WDFY2: variants seen among roughly 807,000 people sequenced by gnomAD.
WDFY2 encodes WD repeat and FYVE domain-containing protein 2.
WDFY2 carries 36 observed loss-of-function variants against 56.4 expected under a neutral mutation model. The ratio of observed to expected loss-of-function variants is 0.64; its 90% CI spans 0.49 to 0.84. The LOEUF (loss-of-function observed/expected upper bound fraction) is 0.84, where lower values mean the gene tolerates loss of function less well. Among genes scored for constraint, WDFY2 ranks in the 40% least tolerant of loss-of-function variants. WDFY2 has a pLI of 0.00. For synonymous variants in WDFY2, 176 were observed against 183.7 expected (o/e 0.96, Z 0.34); for missense variants, 444 against 512.2 (o/e 0.87, Z 1.29).
At chr13:51,643,772 C>A (rs940965659) in intron 1 of WDFY2, among the ~76,000 whole-genome samples, 1 of 152,124 alleles carries the variant, frequency 6.6e-6, no homozygotes, top group Admixed American at 6.5e-5. Flanking sequence ...TCGTTTTTCT[C>A]TTTAATTTCC....
In WDFY2 at chr13:51,764,332, C is replaced by T; in HGVS notation, c.*4563C>T. The T allele has an allele frequency of 6.6e-6, 1 of 152,502 alleles. No individual in the cohort carries two copies. Among genetic ancestry groups the T allele is most frequent in the Non-Finnish European group, 1.5e-5 (1 of 68,178 alleles). The allele number at this position is 152,502 out of a possible 1,614,324, so 9.4% of individuals were successfully genotyped here. On this transcript the variant is annotated 3_prime_UTR_variant, in exon 12 of 12. Transcript: ENST00000298125. ...GCATGCCAGGGTGCCACTAACCCAG[C>T]AGGTGTGGCAGGAGGGGCTTCACAG...
intron 3 of WDFY2, among the ~76,000 whole-genome samples, chr13:51,683,554 C>T (rs1456895965): frequency 1.3e-5 from 2 of 152,180 alleles, no homozygotes; most frequent in Non-Finnish European, 2.9e-5. Flanking sequence ...TTCAAGAGTA[C>T]CTTGACAACA....
At position 51,640,603 on chromosome 13, in the gene WDFY2, C is replaced by A. The variant is rs191917176; in HGVS notation, c.138-19993C>A. On this transcript the variant is annotated intron_variant, in intron 1 of 11. Transcript: ENST00000298125. ...GTGGCTCATGCCTATAATCTCAGCA[C>A]TTTAGGAGGCTGAGGCGGGTAGATT... Among the ~76,000 whole-genome samples, 243 of 152,232 alleles carry A rather than the reference C, an allele frequency of 1.6e-3. 1 individual carries two copies. The highest frequency in any genetic ancestry group is 5.5e-3 in the African/African-American group (227 of 41,550).
At position 51,693,336 on chromosome 13, in the gene WDFY2, C is replaced by G. The variant is rs1951787564; in HGVS notation, c.280-10260C>G. Among the ~76,000 whole-genome samples the G allele has an allele frequency of 2.0e-5, 3 of 151,658 alleles. No homozygotes were observed. In the South Asian group the frequency reaches 6.2e-4, roughly 32 times the overall value. ...TGGGCATTTAGTGCTATAAATTTCC[C>G]TCTACACACTGCTTTGAATGTGTCC... On this transcript the variant is annotated intron_variant, in intron 3 of 11. Transcript: ENST00000298125.
chr13:51,666,365 G>A (rs993995542), intron 2 of WDFY2, among the ~76,000 whole-genome samples: 1 of 152,176 alleles, frequency 6.6e-6, no homozygotes, highest in African/African-American at 2.4e-5. Flanking sequence ...GAGCAAAAAG[G>A]TGGAATATTT....
At chr13:51,758,143 T>C in intron 10 of WDFY2, 49 bp from the exon 11 acceptor site, 1 of 1,451,166 alleles carries the variant, frequency 6.9e-7, no homozygotes, top group Non-Finnish European at 9.5e-7. Flanking sequence ...TCTCTCTCAT[T>C]CATATGTCAC....
intron 1 of WDFY2, among the ~76,000 whole-genome samples, chr13:51,631,749 G>A (rs1050631868): frequency 6.6e-6 from 1 of 152,118 alleles, no homozygotes. Flanking sequence ...GGCTGGTTTT[G>A]AACTGTGGGG....
chr13:51,732,408 C>T (rs1265729170), intron 6 of WDFY2, among the ~76,000 whole-genome samples: 1 of 152,148 alleles, frequency 6.6e-6, no homozygotes, highest in Non-Finnish European at 1.5e-5. Context: ...GCATGAGCCA[C>T]CGTACGTGGC....
At chr13:51,593,283 G>A (rs1386877643) in intron 1 of WDFY2, among the ~76,000 whole-genome samples, 1 of 152,108 alleles carries the variant, frequency 6.6e-6, no homozygotes, top group African/African-American at 2.4e-5. Context: ...TACTCTCAGG[G>A]TACTGGTGAT....
intron 1 of WDFY2, among the ~76,000 whole-genome samples, chr13:51,628,606 A>G (rs957947576): frequency 3.3e-5 from 5 of 152,130 alleles, no homozygotes; most frequent in African/African-American, 1.2e-4. Flanking sequence ...GAGTATCCCT[A>G]GCGGCACCCC....
At chr13:51,758,840 A>C (rs1235875963) in intron 11 of WDFY2, among the ~76,000 whole-genome samples, 6 of 152,312 alleles carry the variant, frequency 3.9e-5, no homozygotes, top group African/African-American at 1.4e-4. Flanking sequence ...TAGCTAAAAT[A>C]ACCCACTTTG....
chr13:51,708,385 G>C (rs1413092438), intron 4 of WDFY2, among the ~76,000 whole-genome samples: 1 of 151,926 alleles, frequency 6.6e-6, no homozygotes, highest in South Asian at 2.1e-4. Context: ...AGGCTAAGGT[G>C]GGAGGGTTGC....
At chr13:51,595,861 G>C (rs150473114) in intron 1 of WDFY2, among the ~76,000 whole-genome samples, 1 of 152,134 alleles carries the variant, frequency 6.6e-6, no homozygotes, top group Admixed American at 6.5e-5. Context: ...AATTAAGGAC[G>C]GCATTTACCC....
chr13:51,604,869 G>A (rs1300622179), intron 1 of WDFY2, among the ~76,000 whole-genome samples: 1 of 152,190 alleles, frequency 6.6e-6, no homozygotes, highest in African/African-American at 2.4e-5. Context: ...AGGGCACATT[G>A]AGAAGGATTT....
At chr13:51,695,947 T>G (rs1376018015) in intron 3 of WDFY2, among the ~76,000 whole-genome samples, 1 of 152,138 alleles carries the variant, frequency 6.6e-6, no homozygotes, top group Non-Finnish European at 1.5e-5. Context: ...GTGCTAGCAA[T>G]CAGCAAGACT....
chr13:51,686,982 CAAA>C (rs1956072352), intron 3 of WDFY2, among the ~76,000 whole-genome samples: 2 of 151,148 alleles, frequency 1.3e-5, no homozygotes, highest in African/African-American at 4.9e-5. Flanking sequence ...TATTGATGAG[CAAA>C]TTGTTGAATC....
At chr13:51,713,846 CAAAAAAAAAA>C (rs763208351) in intron 4 of WDFY2, among the ~76,000 whole-genome samples, 5 of 55,380 alleles carry the variant, frequency 9.0e-5, no homozygotes, top group South Asian at 1.3e-3. Context: ...GATTCCATCT[CAAAAAAAAAA>C]AAAAAAAAAA....
intron 1 of WDFY2, among the ~76,000 whole-genome samples, chr13:51,644,715 A>G (rs139819780): frequency 2.7e-5 from 4 of 149,036 alleles, no homozygotes; most frequent in East Asian, 4.0e-4. Flanking sequence ...AGCTGTGAGG[A>G]AAAAAAAAGT....
At chr13:51,671,422 G>C (rs1032474883) in intron 2 of WDFY2, among the ~76,000 whole-genome samples, 3 of 152,090 alleles carry the variant, frequency 2.0e-5, no homozygotes, top group African/African-American at 7.2e-5. Context: ...CAGGAGTAAG[G>C]TGATACCGCA....
Sources: allele counts gnomAD v4.1 joint callset (sites outside exome capture counted in the v4.1 genomes callset), GRCh38; gene constraint gnomAD v4.1.1; transcripts MANE v1.5; gene names NCBI Gene and HGNC (gene_info 2026-07-23, HGNC 2026-07-21).